CSGALNACT1: variants seen among roughly 807,000 people sequenced by gnomAD.
CSGALNACT1 encodes the protein beta4GalNAcT-1.
In CSGALNACT1, 52 loss-of-function variants were observed where a neutral mutation model predicts 51.0. The observed-to-expected ratio is 1.02, with a 90% confidence interval of 0.82 to 1.29. The LOEUF (loss-of-function observed/expected upper bound fraction) is 1.29, where lower values mean the gene tolerates loss of function less well. Ranked by LOEUF, CSGALNACT1 falls within the 50% of genes most tolerant of loss-of-function variation. The pLI is 0.00. For synonymous variants in CSGALNACT1, 341 were observed against 254.4 expected, an observed-to-expected ratio of 1.34 and a Z score of -3.24; for missense variants, 935 against 679.2, an observed-to-expected ratio of 1.38 and a Z score of -4.19.
At chr8:19,603,594 T>C (rs2050900419), upstream of CSGALNACT1, among the ~76,000 whole-genome samples, 1 of 152,212 alleles carries the variant, frequency 6.6e-6, no homozygotes. Flanking sequence ...CAACAAATAA[T>C]GTTACTTCAG....
rs779601018 is a variant in CSGALNACT1, at chr8:19,537,630, C to T, written c.-296-31500G>A. On this transcript the variant is annotated intron_variant, in intron 3 of 9. Transcript: ENST00000454498. ...AGCCTGCAGGCTGCAACCCTTTATG[C>T]GAAATAAAGCTCCCCTTTCCAAATT... Among the ~76,000 whole-genome samples, 5 of 152,114 alleles carry T rather than the reference C, an allele frequency of 3.3e-5. No individual in the cohort carries two copies. The East Asian group carries it at 5.8e-4, about 18-fold the overall frequency.
chr8:19,623,156 T>G (rs1037709488), intron 1 of CSGALNACT1, among the ~76,000 whole-genome samples: 3 of 152,114 alleles, frequency 2.0e-5, no homozygotes, highest in African/African-American at 7.2e-5. Context: ...AAACAGAAAC[T>G]GGGAAAGCTT....
chr8:19,749,564 C>A (rs920644436), intron 1 of CSGALNACT1, among the ~76,000 whole-genome samples: 1 of 152,116 alleles, frequency 6.6e-6, no homozygotes. Flanking sequence ...CCCTGGTCAC[C>A]AAACAAGGCG....
intron 1 of CSGALNACT1, among the ~76,000 whole-genome samples, chr8:19,666,168 G>T (rs979434179): frequency 3.3e-5 from 5 of 152,172 alleles, no homozygotes; most frequent in African/African-American, 1.2e-4. Context: ...AGCTGGATTT[G>T]AATGCTAGAA....
intron 3 of CSGALNACT1, among the ~76,000 whole-genome samples, chr8:19,508,184 AAG>A (rs2077741313): frequency 6.6e-6 from 1 of 151,884 alleles, no homozygotes; most frequent in African/African-American, 2.4e-5. Flanking sequence ...CTTGGGAGAA[AAG>A]AGAGAGATGT....
chr8:19,658,155 A>C (rs1395919922), intron 1 of CSGALNACT1, among the ~76,000 whole-genome samples: 1 of 151,318 alleles, frequency 6.6e-6, no homozygotes, highest in Non-Finnish European at 1.5e-5. Flanking sequence ...GATTAGGGCT[A>C]GATGAGGTCA....
chr8:19,674,746 G>A (rs560443763), intron 1 of CSGALNACT1, among the ~76,000 whole-genome samples: 3 of 152,256 alleles, frequency 2.0e-5, no homozygotes, highest in South Asian at 4.1e-4. Flanking sequence ...GAGCAGGGAG[G>A]GCAGTTAGGA....
chr8:19,571,354 G>A (rs2042983251), intron 3 of CSGALNACT1, among the ~76,000 whole-genome samples: 1 of 152,106 alleles, frequency 6.6e-6, no homozygotes, highest in South Asian at 2.1e-4. Context: ...GATTCAGGGA[G>A]TCCTAGAATT....
intron 3 of CSGALNACT1, among the ~76,000 whole-genome samples, chr8:19,565,560 A>G (rs2041735188): frequency 6.6e-6 from 1 of 152,244 alleles, no homozygotes; most frequent in Admixed American, 6.5e-5. Context: ...TTTGAGAGAT[A>G]GCCAAGTATT....
intron 6 of CSGALNACT1, among the ~76,000 whole-genome samples, chr8:19,430,921 G>A (rs994579369): frequency 6.6e-6 from 1 of 151,938 alleles, no homozygotes; most frequent in African/African-American, 2.4e-5. Context: ...TCATTTCTAT[G>A]TTTCTAAACC....
intron 5 of CSGALNACT1, among the ~76,000 whole-genome samples, chr8:19,448,667 C>A (rs187449191): frequency 6.6e-6 from 1 of 152,028 alleles, no homozygotes; most frequent in East Asian, 1.9e-4. Context: ...GAGTAGCCAC[C>A]CCGCACATGA....
exon 10 of CSGALNACT1, chr8:19,404,582 T>A (rs2053782222): frequency 2.2e-6 from 1 of 447,648 alleles, no homozygotes; most frequent in Non-Finnish European, 4.4e-6. Flanking sequence ...CCCACTAGAT[T>A]CTGGCAGATG....
intron 1 of CSGALNACT1, among the ~76,000 whole-genome samples, chr8:19,745,772 A>G (rs2064616451): frequency 1.3e-5 from 2 of 152,282 alleles, no homozygotes; most frequent in Admixed American, 1.3e-4. Flanking sequence ...ACAGCACAGA[A>G]AGTCGATCTC....
At chr8:19,599,854 G>C (rs1028486351) in intron 2 of CSGALNACT1, among the ~76,000 whole-genome samples, 5 of 152,176 alleles carry the variant, frequency 3.3e-5, no homozygotes, top group African/African-American at 9.6e-5. Context: ...TGAGAAGACA[G>C]CAAATGAGTT....
At chr8:19,519,319 G>T (rs2080177014) in intron 3 of CSGALNACT1, among the ~76,000 whole-genome samples, 1 of 152,154 alleles carries the variant, frequency 6.6e-6, no homozygotes, top group Admixed American at 6.5e-5. Context: ...AGGAAACCAG[G>T]ATTCAGCAGG....
intron 1 of CSGALNACT1, among the ~76,000 whole-genome samples, chr8:19,642,283 T>C (rs2056822643): frequency 2.0e-5 from 3 of 152,072 alleles, no homozygotes; most frequent in African/African-American, 7.2e-5. Context: ...TCATATAAAG[T>C]AAAACGGTTA....
At chr8:19,583,812 T>G (rs944454201) in intron 3 of CSGALNACT1, among the ~76,000 whole-genome samples, 3 of 152,222 alleles carry the variant, frequency 2.0e-5, no homozygotes, top group Non-Finnish European at 4.4e-5. Context: ...AAATAATGAT[T>G]GCTCTGCAGT....
intron 1 of CSGALNACT1, among the ~76,000 whole-genome samples, chr8:19,691,620 G>A (rs764232343): frequency 3.3e-5 from 5 of 152,108 alleles, no homozygotes; most frequent in African/African-American, 7.2e-5. Context: ...ATTCACAGAC[G>A]GCCTAGGGGA....
intron 1 of CSGALNACT1, among the ~76,000 whole-genome samples, chr8:19,650,712 T>C (rs749556639): frequency 1.3e-5 from 2 of 152,114 alleles, no homozygotes; most frequent in Non-Finnish European, 2.9e-5. Flanking sequence ...GCTTAAGCAC[T>C]GAGGAAATGC....
Sources: allele counts gnomAD v4.1 joint callset (sites outside exome capture counted in the v4.1 genomes callset), GRCh38; gene constraint gnomAD v4.1.1; transcripts MANE v1.5; gene names NCBI Gene and HGNC (gene_info 2026-07-23, HGNC 2026-07-21).